Variants in AUTS2 observed in about 807,000 individuals in gnomAD.
AUTS2 encodes the protein activator of transcription and developmental regulator AUTS2.
In AUTS2, 17 loss-of-function variants were observed where a neutral mutation model predicts 112.4. That is an observed-to-expected ratio of 0.15 (90% CI 0.10 to 0.23). The LOEUF (loss-of-function observed/expected upper bound fraction) is 0.23. Among genes scored for constraint, AUTS2 ranks in the 10% least tolerant of loss-of-function variants. AUTS2 has a pLI of 1.00. For missense variants in AUTS2, 1,510 were observed against 1,701.6 expected (o/e 0.89, Z 1.98); for synonymous variants, 751 against 702.7 (o/e 1.07, Z -1.09).
chr7:70,351,753 G>A (rs141289179), intron 4 of AUTS2, among the ~76,000 whole-genome samples: 69 of 147,132 alleles, frequency 4.7e-4, no homozygotes, highest in African/African-American at 1.6e-3. Context: ...CCAGGCTGGC[G>A]TGCAGTGGTG....
intron 4 of AUTS2, among the ~76,000 whole-genome samples, chr7:70,423,656 T>A (rs1795313614): frequency 6.6e-6 from 1 of 152,214 alleles, no homozygotes; most frequent in Non-Finnish European, 1.5e-5. Flanking sequence ...ATCAAGAACC[T>A]AAAGAAACAC....
At chr7:70,221,216 A>G (rs535820559) in intron 4 of AUTS2, among the ~76,000 whole-genome samples, 1 of 152,306 alleles carries the variant, frequency 6.6e-6, no homozygotes, top group South Asian at 2.1e-4. Context: ...CTGCTTTATT[A>G]TATATCTGTC....
At chr7:69,728,068 A>T (rs1248140221) in intron 1 of AUTS2, among the ~76,000 whole-genome samples, 1 of 152,134 alleles carries the variant, frequency 6.6e-6, no homozygotes, top group East Asian at 2.0e-4. Context: ...CTGGGATGGA[A>T]GCCATTCCAG....
intron 4 of AUTS2, among the ~76,000 whole-genome samples, chr7:70,214,741 T>G (rs1400317986): frequency 6.6e-6 from 1 of 152,238 alleles, no homozygotes; most frequent in Non-Finnish European, 1.5e-5. Context: ...GTCACTTCGA[T>G]ACCTTGGATC....
At chr7:69,759,309 G>T (rs570094046) in intron 1 of AUTS2, among the ~76,000 whole-genome samples, 1 of 152,188 alleles carries the variant, frequency 6.6e-6, no homozygotes, top group East Asian at 1.9e-4. Flanking sequence ...TATCTTGGTG[G>T]TGGGACTTAA....
At chr7:70,435,496 C>T (rs1190679476) in intron 4 of AUTS2, among the ~76,000 whole-genome samples, 1 of 152,158 alleles carries the variant, frequency 6.6e-6, no homozygotes, top group Non-Finnish European at 1.5e-5. Context: ...CTGGACTGAC[C>T]TGAGGAAGAG....
chr7:70,323,634 G>GCCAC (rs773434172), intron 4 of AUTS2, among the ~76,000 whole-genome samples: 44 of 152,172 alleles, frequency 2.9e-4, no homozygotes, highest in Admixed American at 7.2e-4. Context: ...AGCCAACCAT[G>GCCAC]CCACAATCCT....
intron 1 of AUTS2, among the ~76,000 whole-genome samples, chr7:69,726,250 G>C (rs1278129827): frequency 1.3e-5 from 2 of 152,068 alleles, no homozygotes; most frequent in Non-Finnish European, 2.9e-5. Context: ...TGTTAACATA[G>C]TTTAGTTTTG....
At chr7:69,916,765 T>C (rs1331085160) in intron 2 of AUTS2, among the ~76,000 whole-genome samples, 1 of 152,236 alleles carries the variant, frequency 6.6e-6, no homozygotes, top group African/African-American at 2.4e-5. Flanking sequence ...CTCTCTTCAA[T>C]GTTTTCTATC....
chr7:70,244,213 A>G (rs2129601555), intron 4 of AUTS2, among the ~76,000 whole-genome samples: 1 of 152,308 alleles, frequency 6.6e-6, no homozygotes, highest in South Asian at 2.1e-4. Context: ...CTCACACACT[A>G]GTGATCATAC....
chr7:70,724,223 G>A (rs1314661960), intron 6 of AUTS2, among the ~76,000 whole-genome samples: 1 of 152,060 alleles, frequency 6.6e-6, no homozygotes, highest in Non-Finnish European at 1.5e-5. Flanking sequence ...AGATGTGGCT[G>A]TGATTTTGCA....
intron 4 of AUTS2, among the ~76,000 whole-genome samples, chr7:70,403,649 G>A (rs1254018752): frequency 6.6e-6 from 1 of 152,182 alleles, no homozygotes; most frequent in Non-Finnish European, 1.5e-5. Context: ...CTTAAGAATG[G>A]GTGAGGGATG....
At chr7:70,036,646 C>G (rs1374323547) in intron 2 of AUTS2, among the ~76,000 whole-genome samples, 3 of 152,210 alleles carry the variant, frequency 2.0e-5, no homozygotes, top group African/African-American at 7.2e-5. Context: ...GAAATAACAG[C>G]TATCCAGAGA....
intron 5 of AUTS2, among the ~76,000 whole-genome samples, chr7:70,543,235 C>G (rs1291659209): frequency 6.6e-6 from 1 of 152,112 alleles, no homozygotes; most frequent in African/African-American, 2.4e-5. Flanking sequence ...GGTGTGGTGG[C>G]TAATGCTTGT....
rs576729212 is a variant in AUTS2 at position 69,605,868 on chromosome 7, G to C, written c.309+5906G>C. Among the ~76,000 whole-genome samples the C allele has an allele frequency of 2.6e-5, 4 of 152,286 alleles. No individual in the cohort carries two copies. The South Asian group carries it at 6.2e-4, about 24-fold the overall frequency. On this transcript the variant is annotated intron_variant, in intron 1 of 18. Transcript: ENST00000342771. ...TGAGAGAATTTGGAGGAAAGGAAGG[G>C]TGTGAATAGTGTGTGTGGTTATGAA...
At chr7:70,155,150 G>C (rs1470534565) in intron 4 of AUTS2, among the ~76,000 whole-genome samples, 2 of 152,118 alleles carry the variant, frequency 1.3e-5, no homozygotes, top group East Asian at 3.9e-4. Context: ...GTGGTATGTT[G>C]CTCATTTAGA....
At chr7:70,550,820 T>C (rs1800987372) in intron 5 of AUTS2, among the ~76,000 whole-genome samples, 1 of 152,184 alleles carries the variant, frequency 6.6e-6, no homozygotes, top group Non-Finnish European at 1.5e-5. Context: ...TGAGATGGCC[T>C]GAAAGAAACG....
rs1797925987 is a variant in AUTS2 at position 69,973,196 on chromosome 7, A to T, written c.522+73698A>T. Among the ~76,000 whole-genome samples the T allele has an allele frequency of 2.6e-5, 4 of 152,194 alleles. No homozygotes were observed. The South Asian group carries it at 8.3e-4, about 32-fold the overall frequency. ...AACTATCACTTTTGGGGGGCACTTG[A>T]AATGGTATTGTATTTCTAATTTAGA... On this transcript the variant is annotated intron_variant, in intron 2 of 18. Transcript: ENST00000342771.
intron 1 of AUTS2, among the ~76,000 whole-genome samples, chr7:69,603,961 A>T (rs897829155): frequency 3.3e-5 from 5 of 152,146 alleles, no homozygotes; most frequent in African/African-American, 1.2e-4. Flanking sequence ...TTGACTTTGC[A>T]AATCCATTAT....
Sources: gnomAD v4.1 joint callset for allele counts (sites outside exome capture counted in the v4.1 genomes callset) on GRCh38, gnomAD v4.1.1 for gene constraint, MANE v1.5 for transcripts, NCBI Gene and HGNC (gene_info 2026-07-23, HGNC 2026-07-21) for gene names.